SLC35E4: variants seen among roughly 807,000 people sequenced by gnomAD.
The protein encoded by SLC35E4 is solute carrier family 35, member E4.
SLC35E4 carries 15 observed loss-of-function variants against 19.3 expected under a neutral mutation model. That is an observed-to-expected ratio of 0.78 (90% confidence interval 0.52 to 1.20). The LOEUF (loss-of-function observed/expected upper bound fraction) is 1.20, where lower values mean the gene tolerates loss of function less well. SLC35E4 is among the 50% of genes most tolerant of loss of function. SLC35E4 has a pLI of 0.00. For synonymous variants in SLC35E4, 219 were observed against 219.9 expected (o/e 1.00, Z 0.04); for missense variants, 406 against 472.3 (o/e 0.86, Z 1.30).
chr22:30,655,988 T>C (rs2088331620), intron 2 of SLC35E4, among the ~76,000 whole-genome samples: 1 of 151,868 alleles, frequency 6.6e-6, no homozygotes, highest in South Asian at 2.1e-4. Context: ...CACTGCATCC[T>C]GGGCAAAAGG....
intron 1 of SLC35E4, among the ~76,000 whole-genome samples, chr22:30,640,232 G>A (rs1179465122): frequency 1.3e-4 from 20 of 152,038 alleles, no homozygotes; most frequent in African/African-American, 4.1e-4. Context: ...TTAGCTGGGC[G>A]TGGTGGCGCC....
downstream of SLC35E4, chr22:30,649,178 G>A: frequency 1.4e-6 from 1 of 716,296 alleles, no homozygotes; most frequent in Non-Finnish European, 2.6e-6. Context: ...TTCCAGATCT[G>A]CAAAATGGAA....
At position 30,647,150 on chromosome 22, in the gene SLC35E4, C is replaced by A; in HGVS notation, c.*119C>A. On this transcript the variant is annotated 3_prime_UTR_variant, in exon 2 of 2. Transcript: ENST00000343605. ...TGGTGGCTCACGCCTATAATCCCAGCACTTCCAGAGTCCGAGGTGGGTGGA... is the reference window on the plus strand; with the variant it reads ...TGGTGGCTCACGCCTATAATCCCAGAACTTCCAGAGTCCGAGGTGGGTGGA... 3 of 1,265,860 alleles carry A rather than the reference C, an allele frequency of 2.4e-6. No homozygotes were observed. The highest frequency in any genetic ancestry group is 3.2e-6 in the Non-Finnish European group (3 of 943,304). The allele number at this position is 1,265,860 out of a possible 1,614,324, so 78.4% of individuals were successfully genotyped here.
intron 2 of SLC35E4, among the ~76,000 whole-genome samples, chr22:30,656,615 T>C (rs1280814376): frequency 6.6e-6 from 1 of 152,174 alleles, no homozygotes; most frequent in African/African-American, 2.4e-5. Context: ...TCCCCTACTA[T>C]AGGACTGCAT....
intron 1 of SLC35E4, among the ~76,000 whole-genome samples, chr22:30,638,564 C>A (rs1467256063): frequency 6.7e-6 from 1 of 149,632 alleles, no homozygotes; most frequent in African/African-American, 2.5e-5. Flanking sequence ...GTAATCCCAG[C>A]ACTTTGGGAG....
chr22:30,664,042 G>C (rs1005887), downstream of SLC35E4: 498,939 of 1,559,198 alleles, frequency 0.32, 88,722 homozygotes, highest in African/African-American at 0.73. Context: ...AGCGAAGCAC[G>C]AAGGCTGCGT....
chr22:30,655,461 A>T (rs2088321051), intron 2 of SLC35E4, among the ~76,000 whole-genome samples: 2 of 148,818 alleles, frequency 1.3e-5, no homozygotes, highest in South Asian at 4.4e-4. Context: ...AAAAGAAAAA[A>T]AGAAGCCACT....
chr22:30,667,309 C>G (rs5997732), downstream of SLC35E4: 9 of 152,286 alleles, frequency 5.9e-5, no homozygotes, highest in African/African-American at 2.2e-4. Context: ...GCGGGGCGTT[C>G]GTGAAATACT....
Position 30,636,502 on chromosome 22 carries a change from G to C in SLC35E4, c.52G>C (p.Val18Leu). 6.5e-7 allele frequency: 1 copy of C among 1,537,226 alleles called. No individual in the cohort carries two copies. The highest frequency in any genetic ancestry group is 8.8e-7 in the Non-Finnish European group (1 of 1,137,614). Residue 18 changes from valine to leucine, a missense_variant, in exon 1 of 2, where the codon GTA becomes CTA. Coordinates refer to ENST00000343605, the MANE Select transcript of SLC35E4 (RefSeq NM_001001479.4). ...HHDGRMTSAE[V>L]GAAAGGAQAA... The stretch of plus-strand genomic sequence containing the variant: ...TGATGGCAGGATGACCTCAGCCGAA[G>C]TAGGAGCAGCAGCTGGTGGTGCTCA...
rs778754550 is a variant in SLC35E4, at chr22:30,646,984, G to A, written c.1006G>A (p.Ala336Thr). ...HNCEFVASWA[A>T]RRGLWRRDQP... is the part of the protein sequence containing the mutation. ...CTGCGAGTTCGTGGCCTCCTGGGCT[G>A]CCCGTCGGGGGCTGTGGCGGAGGGA... The change falls in exon 2 of 2, where the codon GCC becomes ACC. Residue 336 changes from alanine (A) to threonine (T), a missense_variant. Ala to Thr is a moderately conservative substitution (Grantham distance 58, BLOSUM62 0). Transcript: ENST00000343605. The A allele has an allele frequency of 1.0e-4, 162 of 1,612,946 alleles. No homozygotes were observed. The highest frequency in any genetic ancestry group is 1.3e-4 in the Non-Finnish European group (154 of 1,179,774).
chr22:30,644,412 G>C (rs2088095274), intron 1 of SLC35E4, among the ~76,000 whole-genome samples: 1 of 152,164 alleles, frequency 6.6e-6, no homozygotes, highest in Non-Finnish European at 1.5e-5. Flanking sequence ...CACTAACTTG[G>C]CAAAGGCCCC....
At chr22:30,646,479 A>G in intron 1 of SLC35E4, 119 bp from the exon 2 acceptor site, 2 of 1,210,034 alleles carry the variant, frequency 1.7e-6, no homozygotes, top group Middle Eastern at 2.7e-4. Flanking sequence ...ATCAGGAGCC[A>G]CTAGCCCTGC....
At chr22:30,652,771 C>A (rs1029603518), downstream of SLC35E4, among the ~76,000 whole-genome samples, 4 of 152,232 alleles carry the variant, frequency 2.6e-5, no homozygotes, top group African/African-American at 9.6e-5. Flanking sequence ...GTGAGTGATT[C>A]AAGAGAACAA....
chr22:30,658,375 GA>G (rs200301428), intron 2 of SLC35E4, among the ~76,000 whole-genome samples: 17 of 145,392 alleles, frequency 1.2e-4, no homozygotes, highest in South Asian at 2.2e-4. Context: ...TCTGTCTCTA[GA>G]AAAAAAAAAA....
chr22:30,656,166 G>A (rs1261387811), intron 2 of SLC35E4, among the ~76,000 whole-genome samples: 2 of 151,808 alleles, frequency 1.3e-5, no homozygotes, highest in African/African-American at 4.8e-5. Flanking sequence ...TTGTAGAGAA[G>A]GAGTCTCACT....
At chr22:30,662,896 T>C (rs1187045833) in exon 3 of SLC35E4, 1 of 153,748 alleles carries the variant, frequency 6.5e-6, no homozygotes, top group East Asian at 1.9e-4. Flanking sequence ...ATAAGTACAA[T>C]CTAGAAAACC....
Position 30,668,865 on chromosome 22 carries a change from C to G in SLC35E4, c.*1267C>G, listed in dbSNP as rs544790154. On this transcript the variant is annotated 3_prime_UTR_variant, in exon 3 of 3. Transcript: ENST00000451479. Reference sequence around the variant, plus strand: ...GGAAAGCAATTTGGTTCAAAATAACCATTATTTATTACTTGAAAGGGAATA... The same window carrying G: ...GGAAAGCAATTTGGTTCAAAATAACGATTATTTATTACTTGAAAGGGAATA... 3 of 152,170 alleles carry G rather than the reference C, an allele frequency of 2.0e-5. No individual in the cohort carries two copies. The South Asian group carries it at 6.2e-4, about 32-fold the overall frequency. The allele number at this position is 152,170 out of a possible 1,614,324, so 9.4% of individuals were successfully genotyped here. A position where few individuals can be genotyped will look rare whatever the true frequency, so the allele number is the denominator to read the frequency against.
At position 30,654,066 on chromosome 22, in the gene SLC35E4, G is replaced by A. The variant is rs368700520; in HGVS notation, c.*8+4813G>A. ...GCGATCTCGGCTCACTGCAAGCTCC[G>A]CCCCACGGGTTCACGCCATTCTCCT... is the stretch of plus-strand genomic sequence containing the variant. On this transcript the variant is annotated intron_variant, in intron 2 of 2. Coordinates refer to the SLC35E4 transcript ENST00000406566. 8.8e-4 allele frequency: 150 copies of A among 170,376 alleles called. 1 individual carries two copies. The highest frequency in any genetic ancestry group is 3.3e-3 in the African/African-American group (137 of 40,974). 10.6% of individuals were successfully genotyped at this position (170,376 alleles called of 1,614,324 possible).
At chr22:30,642,978 C>A (rs2088070347) in intron 1 of SLC35E4, among the ~76,000 whole-genome samples, 1 of 151,494 alleles carries the variant, frequency 6.6e-6, no homozygotes, top group Non-Finnish European at 1.5e-5. Flanking sequence ...TGCAGTGAGC[C>A]CAGATAGCGC....
Sources: gnomAD v4.1 joint callset for allele counts (sites outside exome capture counted in the v4.1 genomes callset) on GRCh38, gnomAD v4.1.1 for gene constraint, MANE v1.5 for transcripts, NCBI Gene and HGNC (gene_info 2026-07-23, HGNC 2026-07-21) for gene names.